UTRN: variants seen among roughly 807,000 people sequenced by gnomAD.
The protein encoded by UTRN is utrophin.
Under a neutral mutation model 463.9 loss-of-function variants are expected in UTRN, and 283 were observed. That is an observed-to-expected ratio of 0.61 (90% CI 0.55 to 0.67). UTRN has a LOEUF of 0.67. UTRN is among the 30% of genes least tolerant of loss of function. UTRN has a pLI of 0.00. For missense variants in UTRN, 3,922 were observed against 4,084.3 expected (o/e 0.96, Z 1.08); for synonymous variants, 1,442 against 1,431.5 (o/e 1.01, Z -0.17).
At position 144,684,629 on chromosome 6, in the gene UTRN, T is replaced by C. The variant is rs190290709; in HGVS notation, c.7652+6051T>C. On this transcript the variant is annotated intron_variant, in intron 52 of 74. Transcript: ENST00000367545. ...ATTACATTCGACCTGGCCATGTGCA[T>C]CTGAATGCAATTGGTTTTCCCCTAT... Among the ~76,000 whole-genome samples, 273 of 152,270 alleles carry C rather than the reference T, an allele frequency of 1.8e-3. 1 individual carries two copies. The highest frequency in any genetic ancestry group is 3.4e-3 in the Middle Eastern group (1 of 294).
At position 144,536,223 on chromosome 6, in the gene UTRN, T is replaced by C. The variant is rs552309737; in HGVS notation, c.6234-1359T>C. On this transcript the variant is annotated intron_variant, in intron 43 of 74. Coordinates refer to ENST00000367545, the MANE Select transcript of UTRN (RefSeq NM_007124.3). ...ATTGGGTGACTCAAATATATCTTAT[T>C]GAAATCACTTTATAATGCTAGTTTT... Among the ~76,000 whole-genome samples, 38 of 152,242 alleles carry C rather than the reference T, an allele frequency of 2.5e-4. 1 individual carries two copies. The highest frequency in any genetic ancestry group is 4.7e-4 in the Non-Finnish European group (32 of 68,038).
At chr6:144,491,172 A>C in intron 32 of UTRN, 70 bp downstream of exon 32, 1 of 1,466,954 alleles carries the variant, frequency 6.8e-7, no homozygotes, top group East Asian at 2.3e-5. Context: ...TCTAGCAAGT[A>C]CATGCCTAGT....
At chr6:144,561,869 ACTTC>A (rs1799958754) in intron 50 of UTRN, among the ~76,000 whole-genome samples, 1 of 152,162 alleles carries the variant, frequency 6.6e-6, no homozygotes, top group African/African-American at 2.4e-5. Context: ...TGATAAGTCC[ACTTC>A]CTTTAGTCAA....
At position 144,470,195 on chromosome 6, in the gene UTRN, C is replaced by T. The variant is rs549227000; in HGVS notation, c.3067-3525C>T. Among the ~76,000 whole-genome samples, 169 of 152,328 alleles carry T rather than the reference C, an allele frequency of 1.1e-3. 2 individuals are homozygous for T. Among genetic ancestry groups the T allele is most frequent in the Admixed American group, 5.1e-3 (78 of 15,310 alleles). ...CAAAACTGCCATCGTCATCATGGCC[C>T]GTTCTCAATGAGCTGTTGGGTACAC... is the stretch of plus-strand genomic sequence containing the variant. On this transcript the variant is annotated intron_variant, in intron 23 of 74. Coordinates refer to ENST00000367545, the MANE Select transcript of UTRN (RefSeq NM_007124.3).
At chr6:144,324,078 A>G (rs1329604176) in intron 2 of UTRN, among the ~76,000 whole-genome samples, 1 of 152,218 alleles carries the variant, frequency 6.6e-6, no homozygotes, top group African/African-American at 2.4e-5. Flanking sequence ...GGGGTCAGAG[A>G]AAGCTGAGCA....
chr6:144,702,145 T>G (rs1363417429), intron 53 of UTRN, among the ~76,000 whole-genome samples: 2 of 152,210 alleles, frequency 1.3e-5, no homozygotes, highest in Non-Finnish European at 1.5e-5. Flanking sequence ...TATGGCCATA[T>G]GCTAATAGTG....
chr6:144,430,348 A>G (rs1785689301), intron 9 of UTRN, among the ~76,000 whole-genome samples: 1 of 152,174 alleles, frequency 6.6e-6, no homozygotes, highest in African/African-American at 2.4e-5. Context: ...TACTGTTTGA[A>G]TCAATCCATA....
At chr6:144,830,014 A>G (rs1215634918) in intron 69 of UTRN, among the ~76,000 whole-genome samples, 2 of 152,164 alleles carry the variant, frequency 1.3e-5, no homozygotes, top group Non-Finnish European at 2.9e-5. Flanking sequence ...CATGTAAAGT[A>G]GTTAAGTATC....
chr6:144,797,764 A>C (rs1264853677), intron 63 of UTRN, 60 bp from the exon 64 acceptor site: 6 of 1,546,016 alleles, frequency 3.9e-6, no homozygotes, highest in Non-Finnish European at 5.3e-6. Flanking sequence ...AAGCAACAAC[A>C]CTAGCTACAG....
chr6:144,583,284 T>G, intron 51 of UTRN: 1 of 419,454 alleles, frequency 2.4e-6, no homozygotes, highest in Non-Finnish European at 4.2e-6. Context: ...GCTTTCTCTG[T>G]GGCGTTTGTC....
intron 53 of UTRN, among the ~76,000 whole-genome samples, chr6:144,711,230 C>T (rs1017435493): frequency 3.9e-5 from 6 of 151,920 alleles, no homozygotes; most frequent in African/African-American, 1.5e-4. Context: ...GCAGTAGAAT[C>T]GCTTGAACCC....
intron 2 of UTRN, among the ~76,000 whole-genome samples, chr6:144,362,326 A>G (rs1471915343): frequency 6.6e-6 from 1 of 152,146 alleles, no homozygotes; most frequent in African/African-American, 2.4e-5. Context: ...TCTGCCCAGG[A>G]CCCAGCCATG....
chr6:144,792,439 C>T (rs1190731967), intron 62 of UTRN, among the ~76,000 whole-genome samples: 1 of 151,972 alleles, frequency 6.6e-6, no homozygotes, highest in Non-Finnish European at 1.5e-5. Context: ...CCCAGCTACT[C>T]AGGAGGCTGA....
intron 51 of UTRN, among the ~76,000 whole-genome samples, chr6:144,643,505 G>C (rs940836957): frequency 1.3e-5 from 2 of 152,044 alleles, no homozygotes; most frequent in Non-Finnish European, 2.9e-5. Flanking sequence ...TTAAAAATTT[G>C]TGTTAATTGG....
At position 144,713,353 on chromosome 6, in the gene UTRN, C is replaced by T. The variant is rs548778117; in HGVS notation, c.7809+13110C>T. ...GGGTGCAGTGGCTCATGCCTGTAAT[C>T]TTAGCACTTTGGGAGGCTGATGTGA... On this transcript the variant is annotated intron_variant, in intron 53 of 74. Coordinates refer to ENST00000367545, the MANE Select transcript of UTRN (RefSeq NM_007124.3). Among the ~76,000 whole-genome samples, 4 of 152,106 alleles carry T rather than the reference C, an allele frequency of 2.6e-5. No individual in the cohort carries two copies. The East Asian group carries it at 7.7e-4, about 29-fold the overall frequency.
intron 48 of UTRN, among the ~76,000 whole-genome samples, chr6:144,553,915 C>CAAA (rs397886619): frequency 6.0e-5 from 6 of 99,808 alleles, no homozygotes; most frequent in African/African-American, 1.3e-4. Context: ...GACTCTCTCT[C>CAAA]AAAAAAAAAA....
At chr6:144,732,259 CACACATATATATATATAT>C (rs1788707467) in intron 54 of UTRN, among the ~76,000 whole-genome samples, 5 of 94,708 alleles carry the variant, frequency 5.3e-5, no homozygotes, top group Admixed American at 4.7e-4. Context: ...TATATATATA[CACACATATATATATATAT>C]ACACACATAT....
rs1315320477 is a variant in UTRN, at chr6:144,659,816, C to CT, written c.7480-18583dup. The CT allele has an allele frequency of 4.1e-5, 6 of 147,918 alleles. 1 individual carries two copies. The highest frequency in any genetic ancestry group is 1.5e-5 in the Non-Finnish European group (1 of 67,206). 9.2% of individuals were successfully genotyped at this position (147,918 alleles called of 1,614,324 possible). A position where few individuals can be genotyped will look rare whatever the true frequency, so the allele number is the denominator to read the frequency against. On this transcript the variant is annotated intron_variant, in intron 51 of 74. Transcript: ENST00000367545. ...CATGCAAGTTTCCAGGATATAGCTT[C>CT]TTTTTTTGCTGTATGTAATTGAGAC...
intron 34 of UTRN, among the ~76,000 whole-genome samples, chr6:144,507,091 C>T (rs751267297): frequency 6.5e-4 from 98 of 151,804 alleles, no homozygotes; most frequent in Non-Finnish European, 1.1e-3. Flanking sequence ...ATGAAGTTTT[C>T]GTGCTGTGTT....
Sources: allele counts gnomAD v4.1 joint callset (sites outside exome capture counted in the v4.1 genomes callset), GRCh38; gene constraint gnomAD v4.1.1; transcripts MANE v1.5; gene names NCBI Gene and HGNC (gene_info 2026-07-23, HGNC 2026-07-21).